CD8B: variants seen among roughly 807,000 people sequenced by gnomAD.
The protein encoded by CD8B is CD8 subunit beta.
In CD8B, 6 loss-of-function variants were observed where a neutral mutation model predicts 24.2. That is an observed-to-expected ratio of 0.25 (90% CI 0.14 to 0.49). The LOEUF is 0.49. CD8B is among the 20% of genes least tolerant of loss of function. The probability of loss-of-function intolerance (pLI) is 0.98; values close to 1 mark genes in which losing one functional copy is unlikely to be tolerated. For synonymous variants in CD8B, 84 were observed against 108.3 expected, an observed-to-expected ratio of 0.78 and a Z score of 1.39; for missense variants, 196 against 271.3, an observed-to-expected ratio of 0.72 and a Z score of 1.95.
intron 5 of CD8B, among the ~76,000 whole-genome samples, chr2:86,823,963 C>G (rs1323395780): frequency 6.6e-6 from 1 of 151,826 alleles, no homozygotes; most frequent in Non-Finnish European, 1.5e-5. Context: ...GGGCACAGAG[C>G]TGGAGGACGG....
chr2:86,856,370 GCCAAACCCCAAACC>G (rs1305338459), intron 2 of CD8B, among the ~76,000 whole-genome samples: 2 of 152,036 alleles, frequency 1.3e-5, no homozygotes, highest in East Asian at 1.9e-4. Flanking sequence ...ATAAGCTAAA[GCCAAACCCCAAACC>G]CCAAACCCCA....
chr2:86,844,767 C>G (rs563876847), intron 5 of CD8B, 155 bp downstream of exon 5: 3 of 1,536,750 alleles, frequency 2.0e-6, no homozygotes, highest in Non-Finnish European at 2.6e-6. Context: ...TTCAGCCTCC[C>G]GAGTAGCTGT....
chr2:86,815,662 T>C (rs1393899908), exon 6 of CD8B: 2 of 1,613,768 alleles, frequency 1.2e-6, no homozygotes, highest in African/African-American at 1.3e-5. Flanking sequence ...AGTATTGCTG[T>C]AGTATCCATG....
In CD8B at chr2:86,818,676, G is replaced by GC. The variant is rs531313687; in HGVS notation, c.621-2959dup. ...CCATTCTGTATCTCCTTCTCCTTAG[G>GC]CCCCCCTATGCCCTGAGCCACAAAA... On this transcript the variant is annotated intron_variant, in intron 5 of 5. Coordinates refer to the CD8B transcript ENST00000331469. Among the ~76,000 whole-genome samples the GC allele has an allele frequency of 4.6e-5, 7 of 152,152 alleles. No individual in the cohort carries two copies. The East Asian group carries it at 1.2e-3, about 25-fold the overall frequency.
chr2:86,832,947 C>G, intron 5 of CD8B: 1 of 131,544 alleles, frequency 7.6e-6, no homozygotes, highest in African/African-American at 3.9e-5. Context: ...CTCCTCCCCT[C>G]TCCTCCCCTC....
chr2:86,817,038 C>A (rs924268709), intron 5 of CD8B, among the ~76,000 whole-genome samples: 4 of 152,056 alleles, frequency 2.6e-5, no homozygotes, highest in African/African-American at 9.7e-5. Flanking sequence ...AGTACGTGAC[C>A]AAGCCAATAT....
chr2:86,851,311 C>A (rs568313593), intron 3 of CD8B, among the ~76,000 whole-genome samples: 3 of 152,250 alleles, frequency 2.0e-5, no homozygotes, highest in East Asian at 1.9e-4. Flanking sequence ...GGGTGCCATA[C>A]AACTTGGGGT....
At chr2:86,860,987 T>C (rs1676552826) in intron 1 of CD8B, among the ~76,000 whole-genome samples, 1 of 152,208 alleles carries the variant, frequency 6.6e-6, no homozygotes, top group Non-Finnish European at 1.5e-5. Flanking sequence ...AGGGACCTGA[T>C]GTTTCTAGAT....
chr2:86,824,706 C>T (rs1346421353), intron 5 of CD8B, among the ~76,000 whole-genome samples: 1 of 152,110 alleles, frequency 6.6e-6, no homozygotes, highest in Admixed American at 6.5e-5. Context: ...CTAGTCCCTC[C>T]AGAGCACACT....
downstream of CD8B, among the ~76,000 whole-genome samples, chr2:86,838,058 C>A (rs1218572161): frequency 6.6e-6 from 1 of 152,192 alleles, no homozygotes; most frequent in Non-Finnish European, 1.5e-5. Context: ...CTCGGACCTG[C>A]CTCACCGTGA....
At chr2:86,828,945 G>T (rs1573494509) in intron 5 of CD8B, among the ~76,000 whole-genome samples, 2 of 150,610 alleles carry the variant, frequency 1.3e-5, no homozygotes, top group South Asian at 2.1e-4. Context: ...TTTCAAAATG[G>T]AGATTGCATT....
chr2:86,842,409 C>T, intron 5 of CD8B, 90 bp from the exon 6 acceptor site: 1 of 1,566,510 alleles, frequency 6.4e-7, no homozygotes, highest in South Asian at 1.2e-5. Flanking sequence ...AATGAGAATG[C>T]AGAGTTCTAC....
At chr2:86,826,304 C>T (rs1041886521) in intron 5 of CD8B, among the ~76,000 whole-genome samples, 4 of 152,164 alleles carry the variant, frequency 2.6e-5, no homozygotes, top group African/African-American at 7.2e-5. Context: ...AGCAATAATG[C>T]CCACGAGCTC....
At chr2:86,835,370 C>T (rs1017756763), downstream of CD8B, among the ~76,000 whole-genome samples, 4 of 152,202 alleles carry the variant, frequency 2.6e-5, no homozygotes, top group East Asian at 1.9e-4. Flanking sequence ...GGTAGGTACT[C>T]GGATAGAGGC....
At chr2:86,860,347 C>G (rs867484230) in intron 1 of CD8B, among the ~76,000 whole-genome samples, 2 of 152,194 alleles carry the variant, frequency 1.3e-5, no homozygotes, top group Middle Eastern at 3.2e-3. Flanking sequence ...CAAGTGGCTG[C>G]TGGACTTCCT....
At chr2:86,844,061 C>CA (rs1162055092) in intron 5 of CD8B, among the ~76,000 whole-genome samples, 2 of 152,192 alleles carry the variant, frequency 1.3e-5, no homozygotes, top group Admixed American at 1.3e-4. Context: ...TTGTGAGGAA[C>CA]AAAAATCAAA....
rs1402942738 is a variant in CD8B, at chr2:86,841,848, C to T, written c.*459G>A. ...GCCTCATTCCCAACCTGCACCTGGCCTCTCTGCGAGGAAGGTCAGCCCCAG... is the reference window on the plus strand; with the variant it reads ...GCCTCATTCCCAACCTGCACCTGGCTTCTCTGCGAGGAAGGTCAGCCCCAG... On this transcript the variant is annotated 3_prime_UTR_variant, in exon 6 of 6. Transcript: ENST00000390655. The T allele has an allele frequency of 2.0e-6, 2 of 986,428 alleles. No individual in the cohort carries two copies. The highest frequency in any genetic ancestry group is 1.1e-4 in the East Asian group (1 of 8,828). The allele number at this position is 986,428 out of a possible 1,614,324, so 61.1% of individuals were successfully genotyped here. A position where few individuals can be genotyped will look rare whatever the true frequency, so the allele number is the denominator to read the frequency against.
intron 5 of CD8B, among the ~76,000 whole-genome samples, chr2:86,822,738 C>CT (rs1674527728): frequency 6.6e-6 from 1 of 152,130 alleles, no homozygotes; most frequent in South Asian, 2.1e-4. Flanking sequence ...AAAAATAACT[C>CT]ACTTCCCTTC....
At chr2:86,816,240 T>C (rs1417566748) in intron 5 of CD8B, among the ~76,000 whole-genome samples, 1 of 152,206 alleles carries the variant, frequency 6.6e-6, no homozygotes, top group Non-Finnish European at 1.5e-5. Flanking sequence ...AGGGTGGCTA[T>C]TGTCATCACA....
Sources: allele counts gnomAD v4.1 joint callset (sites outside exome capture counted in the v4.1 genomes callset), GRCh38; gene constraint gnomAD v4.1.1; transcripts MANE v1.5; gene names NCBI Gene and HGNC (gene_info 2026-07-23, HGNC 2026-07-21).